Variants in BAZ1B observed in about 807,000 individuals in gnomAD.
BAZ1B encodes bromodomain adjacent to zinc finger domain 1B.
A neutral mutation model predicts 153.8 loss-of-function variants in BAZ1B; 22 were observed. That is an observed-to-expected ratio of 0.14 (90% CI 0.10 to 0.20). The LOEUF is 0.20. BAZ1B is among the 10% of genes least tolerant of loss of function. The pLI is 1.00. For synonymous variants in BAZ1B, 676 were observed against 633.4 expected, an observed-to-expected ratio of 1.07 and a Z score of -1.01; for missense variants, 1,325 against 1,799.3, an observed-to-expected ratio of 0.74 and a Z score of 4.77.
intron 4 of BAZ1B, among the ~76,000 whole-genome samples, chr7:73,495,963 T>C (rs1202355493): frequency 6.6e-6 from 1 of 152,192 alleles, no homozygotes; most frequent in Non-Finnish European, 1.5e-5. Flanking sequence ...GACACAAGTT[T>C]ACCTATGCAA....
At chr7:73,483,931 C>T (rs1440190528) in intron 6 of BAZ1B, among the ~76,000 whole-genome samples, 1 of 152,132 alleles carries the variant, frequency 6.6e-6, no homozygotes, top group African/African-American at 2.4e-5. Flanking sequence ...AGAGCCACTA[C>T]GCCCAGCCAT....
chr7:73,470,253 A>G (rs1788748199), intron 8 of BAZ1B, 92 bp downstream of exon 8: 7 of 1,308,234 alleles, frequency 5.4e-6, no homozygotes, highest in African/African-American at 1.5e-5. Context: ...TGAAGAGAGA[A>G]GCTTGTCTAT....
chr7:73,504,525 A>T (rs1330511264), intron 3 of BAZ1B, among the ~76,000 whole-genome samples: 2 of 152,082 alleles, frequency 1.3e-5, no homozygotes, highest in African/African-American at 4.8e-5. Context: ...TTAGCGAGGC[A>T]TGGTGGCAGG....
intron 13 of BAZ1B, 111 bp downstream of exon 13, chr7:73,459,425 T>C: frequency 9.7e-7 from 1 of 1,028,612 alleles, no homozygotes; most frequent in Non-Finnish European, 1.4e-6. Flanking sequence ...ACAAAAACAC[T>C]CACTCAGGGC....
Position 73,472,566 on chromosome 7 carries a change from T to C in BAZ1B, c.2594-2083A>G, listed in dbSNP as rs1040151365. Among the ~76,000 whole-genome samples, 4 of 152,156 alleles carry C rather than the reference T, an allele frequency of 2.6e-5. No individual in the cohort carries two copies. The East Asian group carries it at 7.7e-4, about 29-fold the overall frequency. On this transcript the variant is annotated intron_variant, in intron 7 of 19. Coordinates refer to ENST00000339594, the MANE Select transcript of BAZ1B (RefSeq NM_032408.4). Reference sequence around the variant, plus strand: ...GAGCCACTGCGCCCGGCCGCAGTTATACTTTCTTGATAGGTATTGTTTTGT... The same window carrying C: ...GAGCCACTGCGCCCGGCCGCAGTTACACTTTCTTGATAGGTATTGTTTTGT...
intron 16 of BAZ1B, among the ~76,000 whole-genome samples, chr7:73,446,362 A>G (rs1554566615): frequency 6.6e-6 from 1 of 152,136 alleles, no homozygotes; most frequent in African/African-American, 2.4e-5. Flanking sequence ...AGGCAGGCAG[A>G]TCACTTGAGC....
rs1446020512 is a variant in BAZ1B, at chr7:73,450,763, T to C, written c.3580+84A>G. ...ACACTTATATTCTGTGTACACAAAA[T>C]TCTTTTGGGTAGAAATGAAGATCTT... is the stretch of plus-strand genomic sequence containing the variant. On this transcript the variant is annotated intron_variant, in intron 14 of 19. Transcript: ENST00000339594. This position sits in a 1 kb window ranked among gnomAD's most constrained non-coding sequence, Gnocchi z 4.1. The C allele has an allele frequency of 1.3e-6, 2 of 1,495,716 alleles. No homozygotes were observed. Among genetic ancestry groups the C allele is most frequent in the Non-Finnish European group, 1.8e-6 (2 of 1,086,408 alleles). The allele number at this position is 1,495,716 out of a possible 1,614,324, so 92.7% of individuals were successfully genotyped here.
intron 12 of BAZ1B, among the ~76,000 whole-genome samples, chr7:73,459,970 G>C (rs544690286): frequency 6.6e-6 from 1 of 152,048 alleles, no homozygotes; most frequent in African/African-American, 2.4e-5. Context: ...CAAGGCGGGC[G>C]AATCACCTGA....
chr7:73,463,656 C>T (rs541870554), intron 11 of BAZ1B, among the ~76,000 whole-genome samples: 3 of 152,164 alleles, frequency 2.0e-5, no homozygotes, highest in African/African-American at 7.2e-5. Flanking sequence ...GAAGGAACAT[C>T]ATAGAACTAT....
In BAZ1B at chr7:73,452,661, G is replaced by A. The variant is rs188677840; in HGVS notation, c.3433-1667C>T. On this transcript the variant is annotated intron_variant, in intron 13 of 19. Transcript: ENST00000339594. ...TGCTTGAACCCGGGAGGCGGAGGCT[G>A]CAGTGAGCCGAGATTGCACCACTGC... is the stretch of plus-strand genomic sequence containing the variant. 2.3e-3 allele frequency among the ~76,000 whole-genome samples: 348 copies of A among 151,134 alleles called. 2 individuals are homozygous for A. Among genetic ancestry groups the A allele is most frequent in the African/African-American group, 8.3e-3 (342 of 41,070 alleles).
chr7:73,502,211 A>T (rs1050993691), intron 3 of BAZ1B, among the ~76,000 whole-genome samples: 1 of 152,082 alleles, frequency 6.6e-6, no homozygotes, highest in Non-Finnish European at 1.5e-5. Flanking sequence ...CTAAACACAC[A>T]GAAACAACTG....
In BAZ1B at chr7:73,462,902, G is replaced by A; in HGVS notation, c.3249+20C>T. 2 of 1,612,270 alleles carry A rather than the reference G, an allele frequency of 1.2e-6. No individual in the cohort carries two copies. Among genetic ancestry groups the A allele is most frequent in the African/African-American group, 1.3e-5 (1 of 74,938 alleles). ...TGAGTTGCCATGAGTAATCTAAGGG[G>A]GATTTTCTTATATTCCTACCCGGGC... is the stretch of plus-strand genomic sequence containing the variant. On this transcript the variant is annotated intron_variant, in intron 12 of 19. Coordinates refer to ENST00000339594, the MANE Select transcript of BAZ1B (RefSeq NM_032408.4).
chr7:73,465,166 G>C (rs1788534880), intron 11 of BAZ1B, among the ~76,000 whole-genome samples: 1 of 152,088 alleles, frequency 6.6e-6, no homozygotes. Flanking sequence ...CATCTGCAAA[G>C]CTGTCTGACA....
At chr7:73,521,700 C>G in intron 1 of BAZ1B, 127 bp downstream of exon 1, 1 of 701,484 alleles carries the variant, frequency 1.4e-6, no homozygotes, top group Non-Finnish European at 2.0e-6. Context: ...TCCAGGCCCG[C>G]GAGCGGCCGG....
intron 2 of BAZ1B, among the ~76,000 whole-genome samples, 194 bp from the exon 3 acceptor site, chr7:73,508,665 C>T (rs146561118): frequency 2.2e-3 from 328 of 152,320 alleles, no homozygotes; most frequent in Middle Eastern, 6.8e-3. Context: ...AATCCTCCTA[C>T]CTCTCAGGTA....
chr7:73,491,321 G>A (rs1250334671), intron 5 of BAZ1B, among the ~76,000 whole-genome samples: 10 of 151,978 alleles, frequency 6.6e-5, no homozygotes, highest in South Asian at 4.2e-4. Context: ...AACCTAGGCC[G>A]GGCGTGGTGG....
intron 7 of BAZ1B, among the ~76,000 whole-genome samples, chr7:73,473,209 GA>G (rs1345484592): frequency 1.3e-5 from 2 of 152,176 alleles, no homozygotes; most frequent in East Asian, 3.8e-4. Flanking sequence ...CGAAGTGTAG[GA>G]TTACAGGCTG....
intron 5 of BAZ1B, among the ~76,000 whole-genome samples, chr7:73,489,689 A>T (rs183939812): frequency 3.0e-4 from 45 of 152,294 alleles, no homozygotes; most frequent in Non-Finnish European, 4.9e-4. Flanking sequence ...GCTATTTGGG[A>T]GGCTGAAGCA....
intron 6 of BAZ1B, among the ~76,000 whole-genome samples, chr7:73,484,083 T>A (rs1214299289): frequency 6.6e-6 from 1 of 152,048 alleles, no homozygotes; most frequent in Admixed American, 6.6e-5. Flanking sequence ...CTGGCCAACA[T>A]GGTGAAACCC....
Sources: gnomAD v4.1 joint callset for allele counts (sites outside exome capture counted in the v4.1 genomes callset) on GRCh38, gnomAD v4.1.1 for gene constraint, Gnocchi (gnomAD v3.1) non-coding constraint, MANE v1.5 for transcripts, NCBI Gene and HGNC (gene_info 2026-07-23, HGNC 2026-07-21) for gene names.